LINGO3: variants seen among roughly 807,000 people sequenced by gnomAD.
LINGO3 encodes the protein leucine-rich repeat and immunoglobulin-like domain-containing nogo receptor-interacting protein 3.
For missense variants in LINGO3, 750 were observed against 867.7 expected (o/e 0.86, Z 1.70); for synonymous variants, 427 against 444.2 (o/e 0.96, Z 0.49).
At chr19:2,297,304 CTTTT>C in the LINGO3 span, among the ~76,000 whole-genome samples, 3 of 116,814 alleles carry the variant, frequency 2.6e-5, no homozygotes, top group African/African-American at 1.1e-4. Context: ...CCCTCCCCCC[CTTTT>C]TTTTTTTTTT....
downstream of LINGO3, among the ~76,000 whole-genome samples, chr19:2,287,547 G>A (rs1047576445): frequency 3.9e-5 from 6 of 152,262 alleles, no homozygotes; most frequent in African/African-American, 7.2e-5. The surrounding 1 kb of genome is among the most constrained non-coding windows in gnomAD (Gnocchi z 4.5). Flanking sequence ...GGGCCCTCCC[G>A]GCCACAGCTC....
At chr19:2,294,993 C>T (rs116920201), upstream of LINGO3, among the ~76,000 whole-genome samples, 1,405 of 152,260 alleles carry the variant, frequency 9.2e-3, 12 homozygotes, top group Non-Finnish European at 0.014. The surrounding 1 kb of genome is among the most constrained non-coding windows in gnomAD (Gnocchi z 4.3). Context: ...CGTCTCCTCA[C>T]GGTTCCCACT....
chr19:2,288,690 G>C (rs1352381290), downstream of LINGO3, among the ~76,000 whole-genome samples: 1 of 152,172 alleles, frequency 6.6e-6, no homozygotes, highest in African/African-American at 2.4e-5. The surrounding 1 kb of genome is among the most constrained non-coding windows in gnomAD (Gnocchi z 6.5). Flanking sequence ...CGGAGGACAG[G>C]GCGTGTGGAC....
exon 1 of LINGO3, chr19:2,291,111 G>A (rs1185367698): frequency 3.1e-6 from 5 of 1,608,306 alleles, no homozygotes; most frequent in Admixed American, 1.7e-5. Flanking sequence ...GCAGCAGCCC[G>A]GGCAGCCTGC....
the LINGO3 span, among the ~76,000 whole-genome samples, chr19:2,299,275 C>CT: frequency 6.6e-6 from 1 of 152,118 alleles, no homozygotes; most frequent in African/African-American, 2.4e-5. Flanking sequence ...GACATGTCCC[C>CT]TAAGGGTCTG....
At chr19:2,300,023 CT>C in the LINGO3 span, among the ~76,000 whole-genome samples, 866 of 95,872 alleles carry the variant, frequency 9.0e-3, 6 homozygotes, top group African/African-American at 0.024. Flanking sequence ...TGCCTGGCCT[CT>C]TTTTTTTTTT....
upstream of LINGO3, among the ~76,000 whole-genome samples, chr19:2,292,201 A>AT (rs2025531515): frequency 1.3e-5 from 2 of 150,184 alleles, no homozygotes; most frequent in Admixed American, 6.6e-5. Context: ...AAAAAAAAAA[A>AT]AATTAAAAAT....
chr19:2,293,876 A>AC (rs1316411150), upstream of LINGO3, among the ~76,000 whole-genome samples: 3 of 151,490 alleles, frequency 2.0e-5, no homozygotes, highest in East Asian at 2.0e-4. Context: ...AACATGGGGA[A>AC]CCCCCGTCTC....
chr19:2,295,592 C>T (rs1048453559), upstream of LINGO3, among the ~76,000 whole-genome samples: 6 of 152,048 alleles, frequency 3.9e-5, no homozygotes, highest in Admixed American at 6.6e-5. Flanking sequence ...AAAAACTAGC[C>T]GGGCGTGGTG....
chr19:2,304,534 C>T, the LINGO3 span, among the ~76,000 whole-genome samples: 1 of 151,502 alleles, frequency 6.6e-6, no homozygotes, highest in African/African-American at 2.4e-5. Context: ...AGGGTCCTCA[C>T]GAGAGGAGGC....
the LINGO3 span, among the ~76,000 whole-genome samples, chr19:2,300,118 G>A: frequency 7.0e-6 from 1 of 143,556 alleles, no homozygotes; most frequent in Admixed American, 7.5e-5. Context: ...CGCAGCCTTC[G>A]CCTCCCGGGT....
the LINGO3 span, among the ~76,000 whole-genome samples, chr19:2,300,321 T>C: frequency 2.0e-5 from 3 of 152,024 alleles, no homozygotes; most frequent in African/African-American, 4.8e-5. Flanking sequence ...TATGAGCCAC[T>C]GCGCCCGGCC....
chr19:2,290,245 T>C lies in LINGO3; in HGVS notation c.1532A>G (p.His511Arg), dbSNP rs745517266. The change falls in exon 1 of 1, where the codon CAC becomes CGC. Residue 511 changes from histidine to arginine, a missense_variant. Transcript: ENST00000585527. This position sits in a 1 kb window ranked among gnomAD's most constrained non-coding sequence, Gnocchi z 6.0. The stretch of plus-strand genomic sequence containing the variant: ...GCGCAGGGCCGCCAGCGTCTCGTTG[T>C]GGGCCTCGCCCGGGGTCCGGTTGGC... 94 of 1,603,564 alleles carry C rather than the reference T, an allele frequency of 5.9e-5. 2 individuals are homozygous for C. In the East Asian group the frequency reaches 2.1e-3, roughly 36 times the overall value.
chr19:2,300,618 C>T, the LINGO3 span, among the ~76,000 whole-genome samples: 1 of 152,040 alleles, frequency 6.6e-6, no homozygotes, highest in Non-Finnish European at 1.5e-5. Context: ...AGAACCCCAG[C>T]GTAACCCCGG....
At chr19:2,299,670 C>A in the LINGO3 span, among the ~76,000 whole-genome samples, 1 of 148,440 alleles carries the variant, frequency 6.7e-6, no homozygotes. Flanking sequence ...GTGATCCGCC[C>A]GCCTCTGCCT....
At chr19:2,287,324 C>T (rs887736119), downstream of LINGO3, among the ~76,000 whole-genome samples, 4 of 151,924 alleles carry the variant, frequency 2.6e-5, no homozygotes, top group Non-Finnish European at 2.9e-5. The surrounding 1 kb of genome is among the most constrained non-coding windows in gnomAD (Gnocchi z 4.5). Context: ...CTAACCTGGC[C>T]GAGAATGCAC....
At chr19:2,293,962 G>A (rs2025550676), upstream of LINGO3, among the ~76,000 whole-genome samples, 1 of 151,916 alleles carries the variant, frequency 6.6e-6, no homozygotes, top group Non-Finnish European at 1.5e-5. Context: ...GGGGTGGGAG[G>A]ATCGCTTGAT....
At position 2,290,713 on chromosome 19, in the gene LINGO3, G is replaced by C; in HGVS notation, c.1064C>G (p.Ala355Gly). The change falls in exon 1 of 1, where the codon GCC becomes GGC. Residue 355 changes from alanine (A) to glycine (G), a missense_variant. Coordinates refer to ENST00000585527, the Ensembl canonical transcript of LINGO3. This position sits in a 1 kb window ranked among gnomAD's most constrained non-coding sequence, Gnocchi z 6.0. ...GATCCACAGCAGGCGACAGTCGCAGGCCAGCGGGTTCCCGTCCACGCGCAG... is the reference window on the plus strand; with the variant it reads ...GATCCACAGCAGGCGACAGTCGCAGCCCAGCGGGTTCCCGTCCACGCGCAG... 6.2e-7 allele frequency: 1 copy of C among 1,612,262 alleles called. No homozygotes were observed. The highest frequency in any genetic ancestry group is 1.3e-5 in the African/African-American group (1 of 75,048).
exon 1 of LINGO3, chr19:2,291,369 G>C (rs2025518912): frequency 6.2e-7 from 1 of 1,613,340 alleles, no homozygotes; most frequent in Admixed American, 1.7e-5. Context: ...TTACCAGCTT[G>C]TTCTCGCTCA....
Sources: allele counts gnomAD v4.1 joint callset (sites outside exome capture counted in the v4.1 genomes callset), GRCh38; gene constraint gnomAD v4.1.1; non-coding constraint Gnocchi (gnomAD v3.1); transcripts MANE v1.5; gene names NCBI Gene and HGNC (gene_info 2026-07-23, HGNC 2026-07-21).